TBC1D19: variants seen among roughly 807,000 people sequenced by gnomAD.
The protein encoded by TBC1D19 is TBC1 domain family, member 19.
In TBC1D19, 60 loss-of-function variants were observed where a neutral mutation model predicts 89.0. The observed-to-expected ratio is 0.67, with a 90% CI of 0.55 to 0.84. The LOEUF is 0.84. Among genes scored for constraint, TBC1D19 ranks in the 40% least tolerant of loss-of-function variants. TBC1D19 has a pLI of 0.00. For missense variants in TBC1D19, 500 were observed against 610.8 expected, an observed-to-expected ratio of 0.82 and a Z score of 1.91; for synonymous variants, 189 against 199.7, an observed-to-expected ratio of 0.95 and a Z score of 0.45.
intron 12 of TBC1D19, among the ~76,000 whole-genome samples, chr4:26,687,971 T>C (rs2109156668): frequency 6.6e-6 from 1 of 152,222 alleles, no homozygotes; most frequent in Middle Eastern, 3.4e-3. Context: ...TGGCAAGAAT[T>C]TGGACTTGAA....
At chr4:26,611,441 CA>C (rs1466439497) in intron 1 of TBC1D19, among the ~76,000 whole-genome samples, 2 of 152,018 alleles carry the variant, frequency 1.3e-5, no homozygotes, top group Non-Finnish European at 2.9e-5. Flanking sequence ...TGGTATAGCT[CA>C]ACATGTTCCT....
upstream of TBC1D19, chr4:26,584,071 C>G: frequency 1.1e-6 from 1 of 940,526 alleles, no homozygotes; most frequent in Non-Finnish European, 1.6e-6. Context: ...GTAACGCCCG[C>G]TGGAGGAGTC....
At chr4:26,822,418 A>G in the TBC1D19 span, among the ~76,000 whole-genome samples, 5 of 152,240 alleles carry the variant, frequency 3.3e-5, no homozygotes, top group African/African-American at 9.6e-5. Flanking sequence ...CATTAATAAG[A>G]GAGACAGGAG....
the TBC1D19 span, among the ~76,000 whole-genome samples, chr4:26,845,908 C>T: frequency 1.3e-5 from 2 of 152,314 alleles, no homozygotes; most frequent in Admixed American, 6.5e-5. Flanking sequence ...CCAAGTCTCT[C>T]CCATAACATG....
chr4:26,802,514 G>A, the TBC1D19 span, among the ~76,000 whole-genome samples: 5 of 152,070 alleles, frequency 3.3e-5, no homozygotes, highest in African/African-American at 1.2e-4. Flanking sequence ...AGGCACAAGA[G>A]TTGCTTGAAC....
chr4:26,733,858 G>A (rs1717812286), intron 15 of TBC1D19, among the ~76,000 whole-genome samples: 1 of 152,200 alleles, frequency 6.6e-6, no homozygotes, highest in South Asian at 2.1e-4. Flanking sequence ...TGTTGGGTGT[G>A]TAGGGAGGGA....
chr4:26,812,970 A>G, the TBC1D19 span, among the ~76,000 whole-genome samples: 1 of 152,100 alleles, frequency 6.6e-6, no homozygotes, highest in Non-Finnish European at 1.5e-5. The surrounding 1 kb of genome is among the most constrained non-coding windows in gnomAD (Gnocchi z 4.2). Flanking sequence ...TAGTCTTAGC[A>G]CTTTGGGAGG....
rs532199825 is a variant in TBC1D19, at chr4:26,627,709, T to C, written c.294+7021T>C. On this transcript the variant is annotated intron_variant, in intron 4 of 20. Transcript: ENST00000264866. Reference sequence around the variant, plus strand: ...TCTTCTTTTGAGAAGTGTCTGTTCATGTCCTTCGCCCACTTTTTGATGGGG... The same window carrying C: ...TCTTCTTTTGAGAAGTGTCTGTTCACGTCCTTCGCCCACTTTTTGATGGGG... Among the ~76,000 whole-genome samples the C allele has an allele frequency of 5.3e-4, 81 of 152,322 alleles. 1 individual carries two copies. Among genetic ancestry groups the C allele is most frequent in the African/African-American group, 1.9e-3 (79 of 41,564 alleles).
At chr4:26,822,154 G>T in the TBC1D19 span, among the ~76,000 whole-genome samples, 4 of 152,202 alleles carry the variant, frequency 2.6e-5, no homozygotes, top group African/African-American at 7.2e-5. Context: ...GCTGTCAGTC[G>T]CTGGGGTTTT....
At position 26,645,568 on chromosome 4, in the gene TBC1D19, G is replaced by A. The variant is rs150188936; in HGVS notation, c.480+5381G>A. ...ATAAAATCCCTAGAAGAAAACCTAG[G>A]CAATACCATTCAGGACATAGGCATG... is the stretch of plus-strand genomic sequence containing the variant. On this transcript the variant is annotated intron_variant, in intron 7 of 20. Coordinates refer to ENST00000264866, the MANE Select transcript of TBC1D19 (RefSeq NM_018317.4). 2.8e-3 allele frequency among the ~76,000 whole-genome samples: 419 copies of A among 152,226 alleles called. 4 individuals carry two copies. Among genetic ancestry groups the A allele is most frequent in the African/African-American group, 9.2e-3 (381 of 41,526 alleles).
the TBC1D19 span, among the ~76,000 whole-genome samples, chr4:26,807,003 G>A: frequency 6.6e-6 from 1 of 152,122 alleles, no homozygotes; most frequent in Non-Finnish European, 1.5e-5. Context: ...CACAGTCCTA[G>A]GAAACTAATA....
chr4:26,787,382 G>A, the TBC1D19 span, among the ~76,000 whole-genome samples: 6 of 152,092 alleles, frequency 3.9e-5, no homozygotes, highest in African/African-American at 1.2e-4. Context: ...GATTACAGGC[G>A]TGAGCCACAG....
In TBC1D19 at chr4:26,661,226, G is replaced by A. The variant is rs1247312022; in HGVS notation, c.591+1519G>A. 3.3e-5 allele frequency among the ~76,000 whole-genome samples: 5 copies of A among 152,120 alleles called. 1 individual carries two copies. Among genetic ancestry groups the A allele is most frequent in the Admixed American group, 2.6e-4 (4 of 15,262 alleles). On this transcript the variant is annotated intron_variant, in intron 8 of 20. Transcript: ENST00000264866. Reference sequence around the variant, plus strand: ...CTCGGAGGCCTCAGACATAGAGCAGGACAGGAATGAGCTATTGAAAACAGC... The same window carrying A: ...CTCGGAGGCCTCAGACATAGAGCAGAACAGGAATGAGCTATTGAAAACAGC...
the TBC1D19 span, among the ~76,000 whole-genome samples, chr4:26,777,070 A>G: frequency 6.6e-6 from 1 of 151,520 alleles, no homozygotes; most frequent in South Asian, 2.1e-4. Context: ...GTGTTATTCT[A>G]CAGGAAACGC....
chr4:26,688,105 T>G (rs1713972466), intron 12 of TBC1D19, among the ~76,000 whole-genome samples: 1 of 152,154 alleles, frequency 6.6e-6, no homozygotes, highest in South Asian at 2.1e-4. Flanking sequence ...GAGATAAAAT[T>G]GAAATAAATA....
intron 4 of TBC1D19, among the ~76,000 whole-genome samples, chr4:26,628,743 T>G (rs1027816828): frequency 9.9e-5 from 15 of 151,822 alleles, no homozygotes; most frequent in African/African-American, 3.1e-4. Context: ...AAATCATGAG[T>G]GAACTCCCAT....
chr4:26,814,123 A>G, the TBC1D19 span, among the ~76,000 whole-genome samples: 1,155 of 152,212 alleles, frequency 7.6e-3, 15 homozygotes, highest in African/African-American at 0.027. Flanking sequence ...GAGCCTCTCC[A>G]TTTGAACCAG....
chr4:26,720,301 T>A (rs1049679144), intron 15 of TBC1D19, among the ~76,000 whole-genome samples, 176 bp downstream of exon 15: 2 of 152,136 alleles, frequency 1.3e-5, no homozygotes, highest in African/African-American at 4.8e-5. Context: ...TTGTGCTAAA[T>A]TATGCATACT....
chr4:26,721,007 T>C (rs926801181), intron 15 of TBC1D19, among the ~76,000 whole-genome samples: 16 of 152,134 alleles, frequency 1.1e-4, no homozygotes, highest in Admixed American at 7.9e-4. Flanking sequence ...TTCATGGCGC[T>C]GTTCTCTCCC....
Sources: gnomAD v4.1 joint callset for allele counts (sites outside exome capture counted in the v4.1 genomes callset) on GRCh38, gnomAD v4.1.1 for gene constraint, Gnocchi (gnomAD v3.1) non-coding constraint, MANE v1.5 for transcripts, NCBI Gene and HGNC (gene_info 2026-07-23, HGNC 2026-07-21) for gene names.